The following CTNNA2 variants were observed in gnomAD, a reference collection of about 807,000 sequenced individuals.
CTNNA2 encodes the protein catenin alpha-2.
CTNNA2 carries 42 observed loss-of-function variants against 101.0 expected under a neutral mutation model. That is an observed-to-expected ratio of 0.42 (90% CI 0.32 to 0.54). CTNNA2 has a LOEUF of 0.54. CTNNA2 is among the 20% of genes least tolerant of loss of function. The probability of loss-of-function intolerance (pLI) is 0.14; values close to 1 mark genes in which losing one functional copy is unlikely to be tolerated. For missense variants in CTNNA2, 871 were observed against 1,223.1 expected (o/e 0.71, Z 4.29); for synonymous variants, 450 against 456.4 (o/e 0.99, Z 0.18).
chr2:79,204,301 C>T (rs368278522), intron 2 of CTNNA2, among the ~76,000 whole-genome samples: 13 of 152,182 alleles, frequency 8.5e-5, no homozygotes, highest in Admixed American at 2.6e-4. Flanking sequence ...CTTTCTTCAT[C>T]GGACACCTAT....
intron 2 of CTNNA2, among the ~76,000 whole-genome samples, chr2:79,290,359 G>A (rs1049817534): frequency 5.3e-5 from 8 of 152,068 alleles, no homozygotes; most frequent in Non-Finnish European, 7.4e-5. Flanking sequence ...ATACGGGAGC[G>A]GGGCAGGGAA....
chr2:79,245,205 C>G (rs778908685), intron 2 of CTNNA2, among the ~76,000 whole-genome samples: 1 of 152,182 alleles, frequency 6.6e-6, no homozygotes, highest in African/African-American at 2.4e-5. Context: ...AATCTCAGCA[C>G]TTTAGGAGGC....
At chr2:80,460,944 T>C (rs1239529973) in intron 9 of CTNNA2, among the ~76,000 whole-genome samples, 3 of 152,178 alleles carry the variant, frequency 2.0e-5, no homozygotes, top group African/African-American at 4.8e-5. Flanking sequence ...TTATAACACA[T>C]TCCCAGGCAA....
In CTNNA2 at chr2:79,756,855, TA is replaced by T. The variant is rs1269894382; in HGVS notation, c.298+12276del. Reference sequence around the variant, plus strand: ...CATTTGTGATTGGGGAAATGCAAATTAAACAACAATGAGATTTTAATATCCT... The same window carrying T: ...CATTTGTGATTGGGGAAATGCAAATTAACAACAATGAGATTTTAATATCCT... On this transcript the variant is annotated intron_variant, in intron 3 of 18. Coordinates refer to ENST00000402739, the MANE Select transcript of CTNNA2 (RefSeq NM_001282597.3). Among the ~76,000 whole-genome samples, 2 of 152,084 alleles carry T rather than the reference TA, an allele frequency of 1.3e-5. 1 individual carries two copies. The highest frequency in any genetic ancestry group is 3.9e-4 in the East Asian group (2 of 5,182).
intron 4 of CTNNA2, among the ~76,000 whole-genome samples, chr2:79,473,908 A>T (rs1192612719): frequency 6.6e-6 from 1 of 152,126 alleles, no homozygotes; most frequent in Non-Finnish European, 1.5e-5. Context: ...TTTCTCCAAC[A>T]ATTAAATTTT....
At chr2:80,470,032 C>T (rs748085493) in intron 9 of CTNNA2, among the ~76,000 whole-genome samples, 1 of 152,126 alleles carries the variant, frequency 6.6e-6, no homozygotes, top group African/African-American at 2.4e-5. Flanking sequence ...GGACTCTGCT[C>T]CAGCCCTCCT....
At chr2:80,266,528 G>C (rs1026005517) in intron 7 of CTNNA2, among the ~76,000 whole-genome samples, 1 of 152,212 alleles carries the variant, frequency 6.6e-6, no homozygotes, top group African/African-American at 2.4e-5. Context: ...AAAGCTTGCT[G>C]ATTTGTTATA....
chr2:80,620,962 G>A (rs924188882), intron 18 of CTNNA2, among the ~76,000 whole-genome samples: 1 of 151,952 alleles, frequency 6.6e-6, no homozygotes, highest in Non-Finnish European at 1.5e-5. Context: ...TTCATTTATA[G>A]TGATGTTCAG....
At chr2:79,606,972 A>G (rs981659092) in intron 1 of CTNNA2, among the ~76,000 whole-genome samples, 3 of 152,234 alleles carry the variant, frequency 2.0e-5, no homozygotes, top group South Asian at 4.1e-4. Context: ...TAACTGGTTT[A>G]AAACAATCCA....
rs1671315722 is a variant in CTNNA2 at position 80,623,126 on chromosome 2, G to A, written c.2574+3898G>A. 6.0e-5 allele frequency among the ~76,000 whole-genome samples: 9 copies of A among 149,112 alleles called. No homozygotes were observed. In the South Asian group the frequency reaches 1.7e-3, roughly 28 times the overall value. On this transcript the variant is annotated intron_variant, in intron 18 of 18. Coordinates refer to ENST00000402739, the MANE Select transcript of CTNNA2 (RefSeq NM_001282597.3). ...GAGAAAAATGATGAGGATGACAACT[G>A]TTCTCCTTTCTTCCTCCTAAGTGTC...
At chr2:80,434,063 G>A (rs941264533) in intron 9 of CTNNA2, among the ~76,000 whole-genome samples, 1 of 152,142 alleles carries the variant, frequency 6.6e-6, no homozygotes, top group African/African-American at 2.4e-5. Context: ...AGTTTCTCAC[G>A]GTCAAAAAAT....
chr2:79,935,078 A>G (rs1193056063), intron 7 of CTNNA2, among the ~76,000 whole-genome samples: 8 of 152,206 alleles, frequency 5.3e-5, no homozygotes, highest in South Asian at 2.1e-4. Context: ...ACGGACACCC[A>G]TCTTCCTCCC....
At chr2:80,520,740 A>G (rs1218170111) in intron 9 of CTNNA2, among the ~76,000 whole-genome samples, 1 of 152,166 alleles carries the variant, frequency 6.6e-6, no homozygotes, top group African/African-American at 2.4e-5. Flanking sequence ...GGGTTTCCAC[A>G]TACTAATTTT....
At chr2:80,647,208 T>TATAG (rs918567591) in intron 18 of CTNNA2, among the ~76,000 whole-genome samples, 2 of 152,112 alleles carry the variant, frequency 1.3e-5, no homozygotes, top group Non-Finnish European at 1.5e-5. Context: ...AGAAATAGCC[T>TATAG]ATAGATAGAT....
chr2:79,904,773 G>T (rs1685308180), intron 6 of CTNNA2, among the ~76,000 whole-genome samples: 1 of 152,180 alleles, frequency 6.6e-6, no homozygotes, highest in Non-Finnish European at 1.5e-5. Context: ...GTCAGAGCTT[G>T]CATCAAGCCA....
intron 7 of CTNNA2, among the ~76,000 whole-genome samples, chr2:80,363,027 C>T (rs1330000916): frequency 6.8e-6 from 1 of 147,472 alleles, no homozygotes; most frequent in African/African-American, 2.5e-5. Context: ...AAAAAAGTCA[C>T]AGTAAATTCA....
intron 4 of CTNNA2, among the ~76,000 whole-genome samples, chr2:79,418,826 C>T (rs1265810014): frequency 2.0e-5 from 3 of 151,964 alleles, no homozygotes. Flanking sequence ...CTAAATGCTC[C>T]CTAGAGTTAT....
intron 7 of CTNNA2, among the ~76,000 whole-genome samples, chr2:79,964,406 T>G (rs1248473245): frequency 6.6e-6 from 1 of 151,982 alleles, no homozygotes; most frequent in East Asian, 1.9e-4. Flanking sequence ...CAAATATGGG[T>G]TTGGAAAAAA....
In CTNNA2 at chr2:79,568,668, A is replaced by G. The variant is rs549163717; in HGVS notation, c.-6+55461A>G. The stretch of plus-strand genomic sequence containing the variant: ...CTTCAGGTTTATAATTAAAGAATTC[A>G]TGATGAAATAAAAAACAATATTTCA... On this transcript the variant is annotated intron_variant, in intron 1 of 18. Coordinates refer to ENST00000402739, the MANE Select transcript of CTNNA2 (RefSeq NM_001282597.3). Among the ~76,000 whole-genome samples, 9 of 152,178 alleles carry G rather than the reference A, an allele frequency of 5.9e-5. No homozygotes were observed. The South Asian group carries it at 1.7e-3, about 28-fold the overall frequency.
Sources: gnomAD v4.1 joint callset for allele counts (sites outside exome capture counted in the v4.1 genomes callset) on GRCh38, gnomAD v4.1.1 for gene constraint, MANE v1.5 for transcripts, NCBI Gene and HGNC (gene_info 2026-07-23, HGNC 2026-07-21) for gene names.